THSD4: variants seen among roughly 807,000 people sequenced by gnomAD.
THSD4 encodes the protein thrombospondin type-1 domain-containing protein 4.
A neutral mutation model predicts 119.0 loss-of-function variants in THSD4; 69 were observed. The ratio of observed to expected loss-of-function variants is 0.58; its 90% CI spans 0.48 to 0.71. The LOEUF (loss-of-function observed/expected upper bound fraction) is 0.71, where lower values mean the gene tolerates loss of function less well. Ranked by LOEUF, THSD4 falls within the 30% of genes least tolerant of loss-of-function variation. The pLI is 0.00. For synonymous variants in THSD4, 524 were observed against 540.4 expected (o/e 0.97, Z 0.42); for missense variants, 1,393 against 1,391.1 (o/e 1.00, Z -0.02).
At chr15:71,490,684 G>A (rs147225411) in intron 7 of THSD4, among the ~76,000 whole-genome samples, 6,397 of 152,016 alleles carry the variant, frequency 0.042, 225 homozygotes, top group African/African-American at 0.099. Flanking sequence ...AGCCAAGGTC[G>A]CACCACTGCA....
rs1365704206 is a variant in THSD4 at position 71,780,755 on chromosome 15, G to GT, written c.*3387dup. 1 of 454,700 alleles carries GT rather than the reference G, an allele frequency of 2.2e-6. No individual in the cohort carries two copies. Among genetic ancestry groups the GT allele is most frequent in the South Asian group, 1.6e-5 (1 of 64,398 alleles). 28.2% of individuals were successfully genotyped at this position (454,700 alleles called of 1,614,324 possible). On this transcript the variant is annotated 3_prime_UTR_variant, in exon 18 of 18. Transcript: ENST00000261862. ...CTCTCTGGCCCAGAGTTCTTGGAGG[G>GT]TTTTTTCTTTATTTTCTTATGTACT...
At chr15:71,097,726 A>ATG (rs1252868528) in intron 1 of THSD4, among the ~76,000 whole-genome samples, 10 of 133,158 alleles carry the variant, frequency 7.5e-5, no homozygotes, top group African/African-American at 2.8e-4. Context: ...ATATATATAT[A>ATG]TATTTTTTTT....
At chr15:71,361,531 C>T (rs2045891802) in intron 6 of THSD4, among the ~76,000 whole-genome samples, 1 of 152,158 alleles carries the variant, frequency 6.6e-6, no homozygotes, top group Admixed American at 6.5e-5. Context: ...ATATGGGCTT[C>T]CTCATACATT....
intron 7 of THSD4, among the ~76,000 whole-genome samples, chr15:71,533,026 A>G (rs1275121651): frequency 1.3e-5 from 2 of 152,166 alleles, no homozygotes; most frequent in African/African-American, 4.8e-5. Flanking sequence ...GTGCCTTCTG[A>G]AGTATGAGTT....
chr15:71,282,034 A>T (rs1042822355), intron 6 of THSD4, among the ~76,000 whole-genome samples: 2 of 152,188 alleles, frequency 1.3e-5, no homozygotes, highest in African/African-American at 4.8e-5. Context: ...GGTTTGGGAG[A>T]AGATTAAATG....
chr15:71,546,110 G>GGA (rs1299708863), intron 7 of THSD4, among the ~76,000 whole-genome samples: 3 of 152,108 alleles, frequency 2.0e-5, no homozygotes, highest in African/African-American at 7.2e-5. Context: ...CATAACCATA[G>GGA]GATGGCATTT....
intron 6 of THSD4, among the ~76,000 whole-genome samples, chr15:71,389,810 G>GTTTTTTGTTTTTTT (rs2046348908): frequency 1.1e-5 from 1 of 87,998 alleles, no homozygotes; most frequent in Non-Finnish European, 2.2e-5. Context: ...TTTCTGGGTT[G>GTTTTTTGTTTTTTT]TTTTTTTTTT....
chr15:71,208,514 T>TC (rs1359436583), intron 3 of THSD4, among the ~76,000 whole-genome samples: 7 of 70,818 alleles, frequency 9.9e-5, no homozygotes, highest in African/African-American at 2.1e-4. Context: ...TTTTCTTTTT[T>TC]ATTTTTTTTT....
chr15:71,586,430 C>T (rs1595906169), intron 7 of THSD4, among the ~76,000 whole-genome samples: 1 of 152,148 alleles, frequency 6.6e-6, no homozygotes, highest in Non-Finnish European at 1.5e-5. Flanking sequence ...TTTTTCTAAG[C>T]TCACTGGTTG....
intron 8 of THSD4, among the ~76,000 whole-genome samples, chr15:71,702,759 T>C (rs1160114630): frequency 6.6e-6 from 1 of 152,198 alleles, no homozygotes; most frequent in East Asian, 1.9e-4. Flanking sequence ...GCTGGCTCTT[T>C]CCACACACTC....
chr15:71,114,265 T>A (rs1267240089), upstream of THSD4, among the ~76,000 whole-genome samples: 1 of 152,006 alleles, frequency 6.6e-6, no homozygotes, highest in Admixed American at 6.6e-5. Flanking sequence ...GGGAGCTCCC[T>A]TCTGCTCCCA....
rs144738246 is a variant in THSD4, at chr15:71,571,098, G to A, written c.1153-89432G>A. On this transcript the variant is annotated intron_variant, in intron 7 of 17. Transcript: ENST00000261862. ...TCCTATGGGGCATTTCCACCGTGTC[G>A]GCGGAACATGTTTCATTGTTCCTTC... 9.8e-4 allele frequency among the ~76,000 whole-genome samples: 149 copies of A among 152,202 alleles called. 3 individuals are homozygous for A. In the East Asian group the frequency reaches 0.028, roughly 28 times the overall value.
intron 7 of THSD4, among the ~76,000 whole-genome samples, chr15:71,613,735 A>G (rs1407092754): frequency 6.6e-6 from 1 of 152,218 alleles, no homozygotes; most frequent in African/African-American, 2.4e-5. Context: ...CATCTAAACC[A>G]TAGGTTCCAT....
chr15:71,616,598 C>T (rs926452691), intron 7 of THSD4, among the ~76,000 whole-genome samples: 34 of 152,224 alleles, frequency 2.2e-4, no homozygotes, highest in Admixed American at 2.2e-3. Context: ...GTACTACTCA[C>T]AATGCAGAAC....
At chr15:71,168,019 T>C (rs2043310805) in intron 3 of THSD4, among the ~76,000 whole-genome samples, 1 of 152,236 alleles carries the variant, frequency 6.6e-6, no homozygotes, top group Admixed American at 6.5e-5. Flanking sequence ...TCTTTCCAGA[T>C]GTTTCTGCCC....
At chr15:71,547,055 G>A (rs1018091470) in intron 7 of THSD4, among the ~76,000 whole-genome samples, 3 of 152,138 alleles carry the variant, frequency 2.0e-5, no homozygotes, top group Admixed American at 6.5e-5. Flanking sequence ...TGCATGTGGC[G>A]TGCTTACCTT....
intron 3 of THSD4, among the ~76,000 whole-genome samples, chr15:71,198,462 G>C (rs1165292132): frequency 6.6e-6 from 1 of 152,180 alleles, no homozygotes; most frequent in East Asian, 1.9e-4. Context: ...CCTATATCCA[G>C]GACACTGAGA....
intron 4 of THSD4, among the ~76,000 whole-genome samples, chr15:71,215,732 A>G (rs2043927286): frequency 1.3e-5 from 2 of 152,190 alleles, no homozygotes; most frequent in African/African-American, 4.8e-5. Context: ...GGTGCCGGGA[A>G]GGAGAGATCC....
At chr15:71,332,891 C>CTTT (rs1184457820) in intron 6 of THSD4, among the ~76,000 whole-genome samples, 4 of 38,034 alleles carry the variant, frequency 1.1e-4, no homozygotes, top group East Asian at 1.3e-3. Flanking sequence ...GATTTTTTTA[C>CTTT]ATTTTTTTTT....
Sources: gnomAD v4.1 joint callset for allele counts (sites outside exome capture counted in the v4.1 genomes callset) on GRCh38, gnomAD v4.1.1 for gene constraint, MANE v1.5 for transcripts, NCBI Gene and HGNC (gene_info 2026-07-23, HGNC 2026-07-21) for gene names.